Variants in UPF1 observed in about 807,000 individuals in gnomAD.
The protein encoded by UPF1 is regulator of nonsense transcripts 1.
Under a neutral mutation model 129.2 loss-of-function variants are expected in UPF1, and 9 were observed. The ratio of observed to expected loss-of-function variants is 0.07; its 90% CI spans 0.04 to 0.12. The LOEUF is 0.12. UPF1 is among the 10% of genes least tolerant of loss of function. UPF1 has a pLI of 1.00. For synonymous variants in UPF1, 649 were observed against 644.9 expected (o/e 1.01, Z -0.10); for missense variants, 788 against 1,525.3 (o/e 0.52, Z 8.05).
At chr19:18,849,413 C>T (rs2055633971) in intron 3 of UPF1, 1 of 154,238 alleles carries the variant, frequency 6.5e-6, no homozygotes, top group South Asian at 2.0e-4. Flanking sequence ...GCTGGCTTGG[C>T]ACAGGGCAGG....
At position 18,862,150 on chromosome 19, in the gene UPF1, A is replaced by G. The variant is rs376973022; in HGVS notation, c.2598A>G (p.Ala866=). The stretch of plus-strand genomic sequence containing the variant: ...GTCTGAACGTGGCCCTGACCAGAGC[A>G]AGGTAGGGAGGCTGCCTGCTGCATG... ...PRRLNVALTR[A]RYGVIIVGNP... Residue 866 remains alanine (A), a splice_region_variant and synonymous_variant, in exon 18 of 24, where the codon GCA becomes GCG. Transcript: ENST00000262803. 4 of 1,613,474 alleles carry G rather than the reference A, an allele frequency of 2.5e-6. No homozygotes were observed. Among genetic ancestry groups the G allele is most frequent in the South Asian group, 2.2e-5 (2 of 91,046 alleles).
chr19:18,856,715 C>G (rs761783753), intron 13 of UPF1, among the ~76,000 whole-genome samples, 162 bp from the exon 14 acceptor site: 3 of 152,188 alleles, frequency 2.0e-5, no homozygotes, highest in African/African-American at 7.2e-5. Flanking sequence ...TTGTAATCAC[C>G]ACAGCCTGGA....
intron 3 of UPF1, 45 bp downstream of exon 3, chr19:18,847,878 C>T (rs1568274098): frequency 6.4e-7 from 1 of 1,568,352 alleles, no homozygotes. Flanking sequence ...GTGCTGTGCT[C>T]AGATTTGTGT....
In UPF1 at chr19:18,850,538, TTTA is replaced by T. The variant is rs1227547207; in HGVS notation, c.630-146_630-144del. 1 of 928,548 alleles carries T rather than the reference TTTA, an allele frequency of 1.1e-6. No individual in the cohort carries two copies. The highest frequency in any genetic ancestry group is 1.7e-5 in the African/African-American group (1 of 59,702). The allele number at this position is 928,548 out of a possible 1,614,324, so 57.5% of individuals were successfully genotyped here. On this transcript the variant is annotated intron_variant, in intron 4 of 23. Transcript: ENST00000262803. The surrounding 1 kb of genome is among the most constrained non-coding windows in gnomAD (Gnocchi z 7.1). ...AGCTCAAGTGCACAGGGAGATGCGA[TTTA>T]TTACTAACAGTTTGAAGGTAATGTG...
intron 1 of UPF1, among the ~76,000 whole-genome samples, chr19:18,840,006 G>C (rs969035431): frequency 1.3e-5 from 2 of 152,168 alleles, no homozygotes; most frequent in African/African-American, 4.8e-5. Flanking sequence ...TGTGGGGCCA[G>C]TGGGGCCAGG....
chr19:18,843,123 T>G (rs1051275322), intron 1 of UPF1, among the ~76,000 whole-genome samples: 6 of 152,168 alleles, frequency 3.9e-5, no homozygotes, highest in African/African-American at 1.4e-4. Context: ...ACGCCTGGCC[T>G]CCTGCCCTCT....
rs555930312 is a variant in UPF1 at position 18,858,522 on chromosome 19, G to T, written c.2182+989G>T. On this transcript the variant is annotated intron_variant, in intron 15 of 23. Transcript: ENST00000262803. ...ATGGAGTGGCAAAGAGTTGTCACAG[G>T]CCTGCAGAAACCCACCTTTGTCCAG... is the stretch of plus-strand genomic sequence containing the variant. Among the ~76,000 whole-genome samples, 37 of 152,230 alleles carry T rather than the reference G, an allele frequency of 2.4e-4. 1 individual carries two copies. Among genetic ancestry groups the T allele is most frequent in the Non-Finnish European group, 2.5e-4 (17 of 68,020 alleles).
Position 18,855,107 on chromosome 19 carries a change from G to A in UPF1, c.1426-17G>A, listed in dbSNP as rs781116389. The A allele has an allele frequency of 3.1e-6, 5 of 1,613,604 alleles. No individual in the cohort carries two copies. Among genetic ancestry groups the A allele is most frequent in the African/African-American group, 2.7e-5 (2 of 74,948 alleles). On this transcript the variant is annotated splice_polypyrimidine_tract_variant and intron_variant, in intron 10 of 23. Transcript: ENST00000262803. Reference sequence around the variant, plus strand: ...GACGCAAGCGGAGGCTGCCCCTAACGGCCGCTTGTATTGAAGGTTTATGCC... The same window carrying A: ...GACGCAAGCGGAGGCTGCCCCTAACAGCCGCTTGTATTGAAGGTTTATGCC...
intron 18 of UPF1, 38 bp downstream of exon 18, chr19:18,862,190 A>G (rs2145969015): frequency 1.9e-6 from 3 of 1,604,854 alleles, no homozygotes; most frequent in Non-Finnish European, 2.6e-6. Flanking sequence ...CCAGCCGCTC[A>G]TCGGTCCTCA....
At chr19:18,852,407 G>A in intron 6 of UPF1, 111 bp downstream of exon 6, 1 of 1,479,536 alleles carries the variant, frequency 6.8e-7, no homozygotes, top group Admixed American at 2.4e-5. Flanking sequence ...GATGTGGGCT[G>A]CAGCCGCGAC....
chr19:18,835,389 T>C (rs536818660), intron 1 of UPF1, among the ~76,000 whole-genome samples: 2 of 152,176 alleles, frequency 1.3e-5, no homozygotes, highest in Admixed American at 6.5e-5. Flanking sequence ...TTGCCCAGGC[T>C]GGGGTGCAGT....
At position 18,854,907 on chromosome 19, in the gene UPF1, G is replaced by A. The variant is rs753380786; in HGVS notation, c.1294G>A (p.Val432Met). Reference sequence around the variant, plus strand: ...GCAGAGCGCATTGAAAACGTTTGCCGTGGATGAGACCTCGGTGTCTGGCTA... The same window carrying A: ...GCAGAGCGCATTGAAAACGTTTGCCATGGATGAGACCTCGGTGTCTGGCTA... ...RMQSALKTFA[V>M]DETSVSGYIY... Residue 432 changes from valine (V) to methionine (M), a missense_variant, in exon 10 of 24, where the codon GTG becomes ATG. Transcript: ENST00000262803. The A allele has an allele frequency of 1.2e-6, 2 of 1,614,220 alleles. No individual in the cohort carries two copies. Among genetic ancestry groups the A allele is most frequent in the Non-Finnish European group, 1.7e-6 (2 of 1,180,040 alleles).
Position 18,832,377 on chromosome 19 carries a change from T to TGGCGGCGCGGGAGGCCCGGGCGGC in UPF1, c.170_193dup (p.Gly57_Gly64dup), listed in dbSNP as rs1445646952. ...CCGGCGGCCCCGGCGGCCCGGGCGG[T>TGGCGGCGCGGGAGGCCCGGGCGGC]GGCGGCGCGGGAGGCCCGGGCGGCG... On this transcript the variant is annotated inframe_insertion, in exon 1 of 24. Coordinates refer to ENST00000262803, the MANE Select transcript of UPF1 (RefSeq NM_002911.4). The surrounding 1 kb of genome is among the most constrained non-coding windows in gnomAD (Gnocchi z 5.6). The TGGCGGCGCGGGAGGCCCGGGCGGC allele has an allele frequency of 8.1e-7, 1 of 1,227,466 alleles. No homozygotes were observed. Among genetic ancestry groups the TGGCGGCGCGGGAGGCCCGGGCGGC allele is most frequent in the African/African-American group, 1.6e-5 (1 of 62,110 alleles). The allele number at this position is 1,227,466 out of a possible 1,614,324, so 76.0% of individuals were successfully genotyped here.
chr19:18,837,854 C>T (rs2055499909), intron 1 of UPF1, among the ~76,000 whole-genome samples: 1 of 152,108 alleles, frequency 6.6e-6, no homozygotes, highest in Non-Finnish European at 1.5e-5. Flanking sequence ...GAGTTGTTTC[C>T]CTAGGAAAAA....
At chr19:18,864,066 A>G (rs571571136) in intron 19 of UPF1, 104 bp from the exon 20 acceptor site, 9 of 999,446 alleles carry the variant, frequency 9.0e-6, no homozygotes, top group African/African-American at 6.3e-5. Context: ...CACAGTGTCA[A>G]CACCTCACAG....
At chr19:18,845,016 CTG>C (rs946402101) in intron 1 of UPF1, among the ~76,000 whole-genome samples, 1 of 152,220 alleles carries the variant, frequency 6.6e-6, no homozygotes, top group Non-Finnish European at 1.5e-5. Flanking sequence ...GGAGGGGCCT[CTG>C]TGGGGTGCTG....
In UPF1 at chr19:18,865,755, C is replaced by T. The variant is rs1371209436; in HGVS notation, c.3214C>T (p.Leu1072Phe). 1 of 1,613,100 alleles carries T rather than the reference C, an allele frequency of 6.2e-7. No homozygotes were observed. Among genetic ancestry groups the T allele is most frequent in the Admixed American group, 1.7e-5 (1 of 60,026 alleles). Reference protein sequence around the residue: ...SQPSQMSQPGLSQPELSQDSY... With the variant: ...SQPSQMSQPGFSQPELSQDSY... Reference sequence around the variant, plus strand: ...GCCTTCCCAGATGAGCCAGCCCGGCCTCTCCCAGCCGGAGCTGTCCCAGGT... The same window carrying T: ...GCCTTCCCAGATGAGCCAGCCCGGCTTCTCCCAGCCGGAGCTGTCCCAGGT... The change falls in exon 22 of 24, where the codon CTC becomes TTC. Residue 1072 changes from leucine to phenylalanine, a missense_variant. Physicochemically the swap from Leu to Phe is conservative, Grantham distance 22. This residue lies in a region of UPF1 where 218 missense variants were observed against 318.1 expected (regional missense o/e 0.69). Transcript: ENST00000262803. The surrounding 1 kb of genome is among the most constrained non-coding windows in gnomAD (Gnocchi z 6.1).
chr19:18,865,520 CCCTGGCCT>C lies in UPF1; in HGVS notation c.3020-37_3020-30del. On this transcript the variant is annotated intron_variant, in intron 21 of 23. Coordinates refer to ENST00000262803, the MANE Select transcript of UPF1 (RefSeq NM_002911.4). This position sits in a 1 kb window ranked among gnomAD's most constrained non-coding sequence, Gnocchi z 6.1. ...CTTGAGGGTGTGCTTGTCTGCGAGG[CCCTGGCCT>C]CCTTCGGATCACCCTGGACTGCTGT... 6.2e-7 allele frequency: 1 copy of C among 1,613,160 alleles called. No individual in the cohort carries two copies. Among genetic ancestry groups the C allele is most frequent in the Non-Finnish European group, 8.5e-7 (1 of 1,179,504 alleles).
In UPF1 at chr19:18,866,855, T is replaced by A. The variant is rs2055852355; in HGVS notation, c.*338T>A. ...GCCCTTTCCTCTGTTCTTTTATTTC[T>A]TTTTCTCTTTGATTGAAAGGGGACT... is the stretch of plus-strand genomic sequence containing the variant. On this transcript the variant is annotated 3_prime_UTR_variant, in exon 24 of 24. Transcript: ENST00000262803. 1.3e-5 allele frequency: 2 copies of A among 152,580 alleles called. No homozygotes were observed. The highest frequency in any genetic ancestry group is 1.9e-4 in the East Asian group (1 of 5,184). 9.5% of individuals were successfully genotyped at this position (152,580 alleles called of 1,614,324 possible). A position where few individuals can be genotyped will look rare whatever the true frequency, so the allele number is the denominator to read the frequency against.
Sources: gnomAD v4.1 joint callset for allele counts (sites outside exome capture counted in the v4.1 genomes callset) on GRCh38, gnomAD v4.1.1 for gene constraint, gnomAD v4.1.1 regional missense constraint, Gnocchi (gnomAD v3.1) non-coding constraint, MANE v1.5 for transcripts, NCBI Gene and HGNC (gene_info 2026-07-23, HGNC 2026-07-21) for gene names.